CDK10: variants seen among roughly 807,000 people sequenced by gnomAD.
CDK10 encodes cyclin dependent kinase 10, also known as cyclin-dependent kinase 10.
Under a neutral mutation model 51.0 loss-of-function variants are expected in CDK10, and 55 were observed. The ratio of observed to expected loss-of-function variants is 1.08; its 90% CI spans 0.87 to 1.35. The LOEUF (loss-of-function observed/expected upper bound fraction) is 1.35. Ranked by LOEUF, CDK10 falls within the 40% of genes most tolerant of loss-of-function variation. The probability of loss-of-function intolerance (pLI) is 0.00; values close to 1 mark genes in which losing one functional copy is unlikely to be tolerated. For missense variants in CDK10, 589 were observed against 485.1 expected (o/e 1.21, Z -2.01); for synonymous variants, 255 against 199.1 (o/e 1.28, Z -2.36).
rs532286870 is a variant in CDK10 at position 89,696,206 on chromosome 16, A to G, written c.*514A>G. 73 of 285,404 alleles carry G rather than the reference A, an allele frequency of 2.6e-4. 1 individual carries two copies. Among genetic ancestry groups the G allele is most frequent in the Admixed American group, 2.5e-3 (52 of 20,908 alleles). The allele number at this position is 285,404 out of a possible 1,614,324, so 17.7% of individuals were successfully genotyped here. A position where few individuals can be genotyped will look rare whatever the true frequency, so the allele number is the denominator to read the frequency against. ...GACAAGGTATGGGGTGGGAGCCACA[A>G]TTGAGGATACCCCGAGACTACCAGG... On this transcript the variant is annotated 3_prime_UTR_variant, in exon 13 of 13. Coordinates refer to ENST00000353379, the MANE Select transcript of CDK10 (RefSeq NM_052988.5).
In CDK10 at chr16:89,693,679, C is replaced by T. The variant is rs897714243; in HGVS notation, c.608+212C>T. ...GAGACGGGCTCAGTGGCGTCAAGGG[C>T]CTGCCTAGATCAGACACACCTCGCC... On this transcript the variant is annotated intron_variant, in intron 8 of 12. Coordinates refer to ENST00000353379, the MANE Select transcript of CDK10 (RefSeq NM_052988.5). The T allele has an allele frequency of 5.2e-5, 31 of 600,870 alleles. 1 individual carries two copies. The highest frequency in any genetic ancestry group is 1.2e-4 in the South Asian group (6 of 50,638). 37.2% of individuals were successfully genotyped at this position (600,870 alleles called of 1,614,324 possible).
At chr16:89,689,435 C>CACAGGG in intron 2 of CDK10, 111 bp downstream of exon 2, 1 of 874,660 alleles carries the variant, frequency 1.1e-6, no homozygotes, top group Non-Finnish European at 1.9e-6. Context: ...AGACCCTGTG[C>CACAGGG]TCTGAAACAG....
Position 89,695,581 on chromosome 16 carries a change from C to T in CDK10, c.986-14C>T, listed in dbSNP as rs1255153862. On this transcript the variant is annotated splice_polypyrimidine_tract_variant and intron_variant, in intron 12 of 12. Transcript: ENST00000353379. ...GGCCCTGCCCCGCCCAGCACTGAAC[C>T]CTTCTCCCTGCAGCCTGTGAGCCGG... 6.3e-7 allele frequency: 1 copy of T among 1,596,956 alleles called. No individual in the cohort carries two copies.
intron 8 of CDK10, 57 bp downstream of exon 8, chr16:89,693,524 T>A: frequency 6.4e-7 from 1 of 1,553,526 alleles, no homozygotes; most frequent in Non-Finnish European, 8.9e-7. Flanking sequence ...GGTGGAGGTC[T>A]CCTTGGGGAT....
In CDK10 at chr16:89,696,136, G is replaced by A; in HGVS notation, c.*444G>A. 1 of 374,292 alleles carries A rather than the reference G, an allele frequency of 2.7e-6. No homozygotes were observed. The highest frequency in any genetic ancestry group is 5.0e-6 in the Non-Finnish European group (1 of 199,976). The allele number at this position is 374,292 out of a possible 1,614,324, so 23.2% of individuals were successfully genotyped here. On this transcript the variant is annotated 3_prime_UTR_variant, in exon 13 of 13. Coordinates refer to ENST00000353379, the MANE Select transcript of CDK10 (RefSeq NM_052988.5). The stretch of plus-strand genomic sequence containing the variant: ...CTGTCCCGTGCATGGGTTGGCTGTG[G>A]GGACCCCAGGTGGGCCTGGCAGGAC...
intron 8 of CDK10, 33 bp from the exon 9 acceptor site, chr16:89,694,140 C>A: frequency 6.2e-7 from 1 of 1,610,652 alleles, no homozygotes; most frequent in Non-Finnish European, 8.5e-7. Flanking sequence ...GGAGAGGAGC[C>A]GGCTGTATTG....
rs367685843 is a variant in CDK10 at position 89,691,798 on chromosome 16, T to C, written c.336-8T>C. 1.9e-6 allele frequency: 3 copies of C among 1,613,584 alleles called. No individual in the cohort carries two copies. The highest frequency in any genetic ancestry group is 2.7e-5 in the African/African-American group (2 of 74,882). ...CGGAGAGTGGCATGCATCTTCTGTT[T>C]CTTCCAGCATCTTCCTGGTGATGGG... On this transcript the variant is annotated splice_region_variant and splice_polypyrimidine_tract_variant and intron_variant, in intron 4 of 12. Coordinates refer to ENST00000353379, the MANE Select transcript of CDK10 (RefSeq NM_052988.5).
chr16:89,694,955 G>A lies in CDK10; in HGVS notation c.817G>A (p.Gly273Ser), dbSNP rs753198792. The change falls in exon 11 of 13, where the codon GGC (glycine) becomes AGC (serine). Residue 273 changes from glycine to serine, a missense_variant. Coordinates refer to ENST00000353379, the MANE Select transcript of CDK10 (RefSeq NM_052988.5). ...WPGFSKLPLV[G>S]QYSLRKQPYN... The stretch of plus-strand genomic sequence containing the variant: ...GGGCTTTTCCAAGCTGCCACTGGTC[G>A]GCCAGTACAGCCTCCGGAAGCAGCC... 69 of 1,613,090 alleles carry A rather than the reference G, an allele frequency of 4.3e-5. No individual in the cohort carries two copies. The East Asian group carries it at 5.6e-4, about 13-fold the overall frequency.
At chr16:89,688,360 G>A (rs573495315) in intron 1 of CDK10, among the ~76,000 whole-genome samples, 1 of 152,234 alleles carries the variant, frequency 6.6e-6, no homozygotes, top group East Asian at 1.9e-4. Flanking sequence ...GGGATTACAG[G>A]CGTGAGCCAC....
intron 11 of CDK10, 60 bp downstream of exon 11, chr16:89,695,130 C>G (rs2060652834): frequency 1.3e-6 from 2 of 1,570,640 alleles, no homozygotes; most frequent in Non-Finnish European, 1.7e-6. Flanking sequence ...AGACCGTTTC[C>G]CAGAGCCCAG....
chr16:89,689,153 A>G, intron 1 of CDK10, 99 bp from the exon 2 acceptor site: 1 of 1,097,020 alleles, frequency 9.1e-7, no homozygotes, highest in Non-Finnish European at 1.4e-6. Flanking sequence ...TTGGTGAGCA[A>G]GACGTGAGTG....
chr16:89,691,531 G>C lies in CDK10; in HGVS notation c.321G>C (p.Gly107=). ...TGGAGCTGAAGGAGGTGGTTGTGGG[G>C]AACCACCTGGAGAGGTACGTGGTCT... The part of the protein sequence containing the change: ...NIVELKEVVV[G]NHLESIFLVM... The change falls in exon 4 of 13, where the codon GGG becomes GGC. Residue 107 remains glycine, a synonymous_variant. Coordinates refer to ENST00000353379, the MANE Select transcript of CDK10 (RefSeq NM_052988.5). 1 of 1,613,232 alleles carries C rather than the reference G, an allele frequency of 6.2e-7. No individual in the cohort carries two copies. The highest frequency in any genetic ancestry group is 1.1e-5 in the South Asian group (1 of 91,020).
intron 6 of CDK10, 160 bp downstream of exon 6, chr16:89,692,676 T>C: frequency 2.0e-6 from 1 of 503,772 alleles, no homozygotes. Context: ...AAGGGGTCTC[T>C]CTGTGTTGCC....
chr16:89,694,883 C>T (rs999902681), intron 10 of CDK10, 48 bp from the exon 11 acceptor site: 2 of 1,599,406 alleles, frequency 1.3e-6, no homozygotes, highest in East Asian at 2.3e-5. Context: ...CGCCCGCAGC[C>T]CCCGCCCGTG....
chr16:89,691,596 G>A, intron 4 of CDK10, 51 bp downstream of exon 4: 1 of 1,492,020 alleles, frequency 6.7e-7, no homozygotes, highest in Non-Finnish European at 9.3e-7. Context: ...ATGTGTCTTG[G>A]GCTAGAGGTG....
rs113038748 is a variant in CDK10 at position 89,694,879 on chromosome 16, C to A, written c.793-52C>A. On this transcript the variant is annotated intron_variant, in intron 10 of 12. Transcript: ENST00000353379. ...CCCGTGCCCACGCCCTCTGCGCCCG[C>A]AGCCCCCGCCCGTGCCCACGCCCTC... The A allele has an allele frequency of 4.0e-5, 51 of 1,289,684 alleles. 2 individuals are homozygous for A. Among genetic ancestry groups the A allele is most frequent in the Middle Eastern group, 3.2e-4 (1 of 3,090 alleles). 79.9% of individuals were successfully genotyped at this position (1,289,684 alleles called of 1,614,324 possible).
intron 3 of CDK10, 97 bp downstream of exon 3, chr16:89,690,721 TA>T: frequency 9.1e-7 from 1 of 1,092,950 alleles, no homozygotes; most frequent in South Asian, 1.2e-5. Context: ...ACGGTGCTTG[TA>T]GCGGGGGCCG....
At chr16:89,689,403 G>A (rs138365772) in intron 2 of CDK10, 79 bp downstream of exon 2, 20 of 1,287,156 alleles carry the variant, frequency 1.6e-5, no homozygotes, top group South Asian at 5.9e-5. Context: ...AGCAGCAGCC[G>A]CGTTGGGGCT....
intron 2 of CDK10, 50 bp from the exon 3 acceptor site, chr16:89,690,503 C>A: frequency 1.3e-6 from 2 of 1,534,754 alleles, no homozygotes; most frequent in East Asian, 2.2e-5. Flanking sequence ...CGCTAGGGAG[C>A]CCACGAGGGG....
Sources: gnomAD v4.1 joint callset for allele counts (sites outside exome capture counted in the v4.1 genomes callset) on GRCh38, gnomAD v4.1.1 for gene constraint, MANE v1.5 for transcripts, NCBI Gene and HGNC (gene_info 2026-07-23, HGNC 2026-07-21) for gene names.